The following PRPSAP1 variants were observed in gnomAD, a reference collection of about 807,000 sequenced individuals.
PRPSAP1 encodes phosphoribosyl pyrophosphate synthetase associated protein 1.
A neutral mutation model predicts 39.4 loss-of-function variants in PRPSAP1; 31 were observed. The observed-to-expected ratio is 0.79, with a 90% CI of 0.59 to 1.06. PRPSAP1 has a LOEUF of 1.06. Among genes scored for constraint, PRPSAP1 ranks in the 50% least tolerant of loss-of-function variants. The pLI, the probability that PRPSAP1 is intolerant of heterozygous loss-of-function variation, is 0.00. For synonymous variants in PRPSAP1, 212 were observed against 192.6 expected (o/e 1.10, Z -0.83); for missense variants, 430 against 511.6 (o/e 0.84, Z 1.54).
intron 3 of PRPSAP1, among the ~76,000 whole-genome samples, chr17:76,340,792 A>T (rs761683095): frequency 6.6e-6 from 1 of 151,646 alleles, no homozygotes; most frequent in Non-Finnish European, 1.5e-5. Context: ...CGGGAGGCTG[A>T]GGCAGGAGAA....
intron 7 of PRPSAP1, among the ~76,000 whole-genome samples, chr17:76,323,716 GTT>G (rs538514428): frequency 6.9e-6 from 1 of 145,750 alleles, no homozygotes; most frequent in Non-Finnish European, 1.5e-5. Context: ...AAGGTTTTTT[GTT>G]TTTTTTTTTG....
chr17:76,322,389 C>A (rs1024586238), intron 7 of PRPSAP1, among the ~76,000 whole-genome samples: 2 of 152,122 alleles, frequency 1.3e-5, no homozygotes, highest in Admixed American at 6.6e-5. Flanking sequence ...GAGCAAGACT[C>A]CATCTCAAAA....
At chr17:76,323,455 C>T (rs2071219723) in intron 7 of PRPSAP1, among the ~76,000 whole-genome samples, 1 of 151,786 alleles carries the variant, frequency 6.6e-6, no homozygotes, top group Non-Finnish European at 1.5e-5. Context: ...TTCTAGATGC[C>T]ATGAAGAACA....
intron 7 of PRPSAP1, among the ~76,000 whole-genome samples, chr17:76,320,261 AAAGAAAAGAAAG>A (rs1567799032): frequency 6.5e-5 from 6 of 92,340 alleles, no homozygotes; most frequent in African/African-American, 1.7e-4. Flanking sequence ...GACAAGAAAG[AAAGAAAAGAAAG>A]AAAGAAAGAA....
At chr17:76,322,263 G>A (rs1196446947) in intron 7 of PRPSAP1, among the ~76,000 whole-genome samples, 4 of 152,110 alleles carry the variant, frequency 2.6e-5, no homozygotes, top group Admixed American at 1.3e-4. Context: ...AGGCGTGGTG[G>A]TGTACGCCTG....
At chr17:76,325,350 A>T (rs1456509968) in intron 7 of PRPSAP1, among the ~76,000 whole-genome samples, 1 of 119,328 alleles carries the variant, frequency 8.4e-6, no homozygotes, top group Admixed American at 1.1e-4. Context: ...CGGAGCTTGC[A>T]GTGAGCTGAG....
chr17:76,311,742 C>A (rs2071073206), intron 9 of PRPSAP1, 42 bp from the exon 10 acceptor site: 2 of 1,587,060 alleles, frequency 1.3e-6, no homozygotes, highest in African/African-American at 1.4e-5. Flanking sequence ...TTACTGAAGT[C>A]TGTTCTCCAA....
intron 4 of PRPSAP1, among the ~76,000 whole-genome samples, chr17:76,331,286 G>A (rs1312989937): frequency 6.6e-6 from 1 of 152,172 alleles, no homozygotes; most frequent in Non-Finnish European, 1.5e-5. Flanking sequence ...CCAGGGTGTA[G>A]AACCAGTATT....
At chr17:76,334,897 C>A (rs2071362537) in intron 3 of PRPSAP1, among the ~76,000 whole-genome samples, 1 of 152,102 alleles carries the variant, frequency 6.6e-6, no homozygotes, top group Non-Finnish European at 1.5e-5. Context: ...TCATAATAGT[C>A]AATTTTAGTT....
chr17:76,311,727 C>T (rs569033366), intron 9 of PRPSAP1, 27 bp from the exon 10 acceptor site: 61 of 1,603,212 alleles, frequency 3.8e-5, no homozygotes, highest in East Asian at 1.8e-4. Context: ...GGAAAACAAA[C>T]GCTGTTACTG....
chr17:76,324,182 A>T (rs529055030), intron 7 of PRPSAP1, among the ~76,000 whole-genome samples: 1 of 151,970 alleles, frequency 6.6e-6, no homozygotes, highest in East Asian at 1.9e-4. Flanking sequence ...TCTAGGTAAA[A>T]TGCTATCAAA....
intron 3 of PRPSAP1, among the ~76,000 whole-genome samples, chr17:76,342,595 T>C (rs2071451312): frequency 6.6e-6 from 1 of 150,918 alleles, no homozygotes; most frequent in African/African-American, 2.4e-5. Flanking sequence ...CACACACCTA[T>C]GGTCCCAGCT....
At chr17:76,330,178 CT>C (rs2071305537) in intron 5 of PRPSAP1, 80 bp from the exon 6 acceptor site, 2 of 1,293,580 alleles carry the variant, frequency 1.5e-6, no homozygotes, top group African/African-American at 1.5e-5. Context: ...AGTTTTCCCT[CT>C]TATAATGATC....
intron 7 of PRPSAP1, among the ~76,000 whole-genome samples, chr17:76,323,568 T>C (rs1417949181): frequency 6.6e-6 from 1 of 152,098 alleles, no homozygotes; most frequent in African/African-American, 2.4e-5. Context: ...AGGGCCTCCA[T>C]GGTAGAAGTA....
intron 7 of PRPSAP1, among the ~76,000 whole-genome samples, chr17:76,320,994 G>A (rs936339902): frequency 3.9e-5 from 6 of 151,928 alleles, no homozygotes; most frequent in East Asian, 1.9e-4. Flanking sequence ...TGTTGCCCAG[G>A]CTAGTCTCGA....
intron 3 of PRPSAP1, among the ~76,000 whole-genome samples, chr17:76,334,193 G>C: frequency 6.6e-6 from 1 of 152,296 alleles, no homozygotes; most frequent in Non-Finnish European, 1.5e-5. Flanking sequence ...GGGTGGGGGT[G>C]GGGGTCAGGA....
intron 7 of PRPSAP1, among the ~76,000 whole-genome samples, chr17:76,328,011 C>T (rs1393417585): frequency 6.6e-6 from 1 of 151,598 alleles, no homozygotes; most frequent in South Asian, 2.1e-4. Context: ...CAGGGAGCCC[C>T]GTCTCCATAC....
intron 7 of PRPSAP1, among the ~76,000 whole-genome samples, chr17:76,320,553 T>C (rs1361721893): frequency 2.0e-5 from 3 of 149,918 alleles, no homozygotes; most frequent in African/African-American, 7.4e-5. Context: ...GCCTACCAAG[T>C]AGCTGGGACT....
intron 5 of PRPSAP1, 92 bp downstream of exon 5, chr17:76,330,459 G>A: frequency 1.1e-6 from 1 of 938,268 alleles, no homozygotes; most frequent in Non-Finnish European, 1.6e-6. Context: ...GAGCTCATTT[G>A]ATGTGCCTTC....
Sources: gnomAD v4.1 joint callset for allele counts (sites outside exome capture counted in the v4.1 genomes callset) on GRCh38, gnomAD v4.1.1 for gene constraint, MANE v1.5 for transcripts, NCBI Gene and HGNC (gene_info 2026-07-23, HGNC 2026-07-21) for gene names.